Variants in DPP6 observed in about 807,000 individuals in gnomAD.
DPP6 encodes dipeptidyl peptidase like 6, also known as A-type potassium channel modulatory protein DPP6.
DPP6 carries 69 observed loss-of-function variants against 122.6 expected under a neutral mutation model. That is an observed-to-expected ratio of 0.56 (90% CI 0.46 to 0.69). The LOEUF is 0.69. Ranked by LOEUF, DPP6 falls within the 30% of genes least tolerant of loss-of-function variation. DPP6 has a pLI of 0.00. For missense variants in DPP6, 928 were observed against 1,116.9 expected, an observed-to-expected ratio of 0.83 and a Z score of 2.41; for synonymous variants, 418 against 433.1, an observed-to-expected ratio of 0.97 and a Z score of 0.43.
rs71540571 is a variant in DPP6 at position 153,957,571 on chromosome 7, G to A, written c.51+69837G>A. On this transcript the variant is annotated intron_variant, in intron 1 of 25. Coordinates refer to the DPP6 transcript ENST00000404039. ...CTCAGGTTATGGCAAGTGAGGGCGA[G>A]AAGGAGGCCTGGGCAAGAGAAAGGA... is the stretch of plus-strand genomic sequence containing the variant. Among the ~76,000 whole-genome samples, 398 of 152,322 alleles carry A rather than the reference G, an allele frequency of 2.6e-3. 2 individuals are homozygous for A. Among genetic ancestry groups the A allele is most frequent in the Non-Finnish European group, 3.6e-3 (244 of 68,040 alleles).
Position 153,925,760 on chromosome 7 carries a change from C to A in DPP6, c.51+38026C>A, listed in dbSNP as rs1026974234. Reference sequence around the variant, plus strand: ...GAGATCATCCCACATGGTGGAAGGTCCAGCCTGGCAGTGTGACCCAAAGTG... The same window carrying A: ...GAGATCATCCCACATGGTGGAAGGTACAGCCTGGCAGTGTGACCCAAAGTG... On this transcript the variant is annotated intron_variant, in intron 1 of 25. Coordinates refer to the DPP6 transcript ENST00000404039. Among the ~76,000 whole-genome samples, 71 of 152,208 alleles carry A rather than the reference C, an allele frequency of 4.7e-4. 1 individual carries two copies. The highest frequency in any genetic ancestry group is 1.5e-3 in the African/African-American group (63 of 41,460).
intron 3 of DPP6, among the ~76,000 whole-genome samples, chr7:154,536,034 T>C (rs145302415): frequency 6.6e-6 from 1 of 152,272 alleles, no homozygotes; most frequent in African/African-American, 2.4e-5. Flanking sequence ...CTGGCAGCAA[T>C]CTAAATTGTC....
chr7:154,738,105 C>A (rs759878839), intron 8 of DPP6, among the ~76,000 whole-genome samples: 4 of 152,224 alleles, frequency 2.6e-5, no homozygotes, highest in African/African-American at 4.8e-5. Context: ...GCTGGCTATG[C>A]TGGATGAGAT....
At chr7:154,270,868 G>A (rs891572853) in intron 1 of DPP6, among the ~76,000 whole-genome samples, 7 of 152,120 alleles carry the variant, frequency 4.6e-5, no homozygotes, top group Non-Finnish European at 8.8e-5. Context: ...GGCTTTCCAC[G>A]CCTCAGCCCC....
chr7:154,584,456 A>T (rs1832297744), intron 5 of DPP6, among the ~76,000 whole-genome samples: 1 of 152,248 alleles, frequency 6.6e-6, no homozygotes, highest in Admixed American at 6.5e-5. Flanking sequence ...TGAGATGCTT[A>T]AAGGTGGCTT....
intron 1 of DPP6, among the ~76,000 whole-genome samples, chr7:154,371,024 C>T (rs1451085748): frequency 1.3e-5 from 2 of 152,142 alleles, no homozygotes; most frequent in Non-Finnish European, 2.9e-5. Context: ...AAGGTCTGCT[C>T]CTGATACCAG....
At chr7:154,375,337 C>T (rs951927809) in intron 1 of DPP6, among the ~76,000 whole-genome samples, 5 of 151,930 alleles carry the variant, frequency 3.3e-5, no homozygotes, top group South Asian at 2.1e-4. Context: ...GATGTTGGCC[C>T]GGGTGGAGGG....
At chr7:153,838,895 T>G in the DPP6 span, among the ~76,000 whole-genome samples, 1 of 151,056 alleles carries the variant, frequency 6.6e-6, no homozygotes, top group African/African-American at 2.4e-5. Flanking sequence ...AATTGAAAAA[T>G]TAGGAGCATT....
chr7:154,881,374 ACCAGAGCCGCT>A (rs1805375399), intron 21 of DPP6, among the ~76,000 whole-genome samples: 1 of 152,214 alleles, frequency 6.6e-6, no homozygotes, highest in Non-Finnish European at 1.5e-5. Flanking sequence ...GAACTCTCAA[ACCAGAGCCGCT>A]CCCATCTGGT....
chr7:154,251,471 G>C (rs1041734961), intron 1 of DPP6, among the ~76,000 whole-genome samples: 1 of 152,188 alleles, frequency 6.6e-6, no homozygotes, highest in Non-Finnish European at 1.5e-5. Flanking sequence ...AGAACTAATA[G>C]GATATATGCA....
chr7:154,468,161 C>T (rs557074084), intron 2 of DPP6, among the ~76,000 whole-genome samples: 1 of 152,180 alleles, frequency 6.6e-6, no homozygotes, highest in South Asian at 2.1e-4. Flanking sequence ...CGTATTACAA[C>T]ATGGATGAAC....
chr7:153,960,468 C>G (rs2129027903), intron 1 of DPP6, among the ~76,000 whole-genome samples: 1 of 152,150 alleles, frequency 6.6e-6, no homozygotes, highest in East Asian at 1.9e-4. Flanking sequence ...GTGCTCTTCA[C>G]CTTCCTGCAA....
At chr7:153,995,831 G>T (rs750276431) in intron 1 of DPP6, among the ~76,000 whole-genome samples, 3 of 152,172 alleles carry the variant, frequency 2.0e-5, no homozygotes, top group Non-Finnish European at 4.4e-5. Context: ...CTACCTTCAA[G>T]ACCTGGATGA....
At chr7:154,885,817 C>T (rs1806106256) in intron 22 of DPP6, 73 bp downstream of exon 22, 4 of 1,533,800 alleles carry the variant, frequency 2.6e-6, no homozygotes, top group African/African-American at 1.4e-5. Flanking sequence ...CGTGGCCCCA[C>T]AGCCCTCCCT....
At chr7:154,219,204 G>GCC (rs1352727936) in intron 1 of DPP6, among the ~76,000 whole-genome samples, 1 of 152,164 alleles carries the variant, frequency 6.6e-6, no homozygotes, top group Non-Finnish European at 1.5e-5. Flanking sequence ...TCATCCCCAG[G>GCC]CCAAGACAAT....
intron 12 of DPP6, among the ~76,000 whole-genome samples, chr7:154,798,244 T>C (rs1300761267): frequency 2.0e-5 from 3 of 152,190 alleles, no homozygotes; most frequent in Admixed American, 6.5e-5. Flanking sequence ...GGTTCTGTCC[T>C]CCAGCGCTCA....
chr7:153,977,423 C>T (rs972720194), intron 1 of DPP6, among the ~76,000 whole-genome samples: 35 of 152,128 alleles, frequency 2.3e-4, no homozygotes, highest in Admixed American at 1.4e-3. Flanking sequence ...TGGTCTTTCT[C>T]CCTCTATTAT....
rs114905738 is a variant in DPP6, at chr7:154,428,642, T to C, written c.244-17572T>C. Among the ~76,000 whole-genome samples, 179 of 152,330 alleles carry C rather than the reference T, an allele frequency of 1.2e-3. 2 individuals carry two copies. The highest frequency in any genetic ancestry group is 4.1e-3 in the African/African-American group (170 of 41,582). On this transcript the variant is annotated intron_variant, in intron 1 of 25. Coordinates refer to ENST00000377770, the MANE Select transcript of DPP6 (RefSeq NM_130797.4). Reference sequence around the variant, plus strand: ...GAGTGGATAAGGAAGATGTGGTATATATGCACCATGGAATACTACTCAGCC... The same window carrying C: ...GAGTGGATAAGGAAGATGTGGTATACATGCACCATGGAATACTACTCAGCC...
chr7:154,597,823 C>T (rs909294239), intron 5 of DPP6, among the ~76,000 whole-genome samples: 4 of 152,126 alleles, frequency 2.6e-5, no homozygotes, highest in Admixed American at 2.0e-4. Context: ...TTCTGGCAAT[C>T]TTTGGTGTTC....
Sources: allele counts gnomAD v4.1 joint callset (sites outside exome capture counted in the v4.1 genomes callset), GRCh38; gene constraint gnomAD v4.1.1; transcripts MANE v1.5; gene names NCBI Gene and HGNC (gene_info 2026-07-23, HGNC 2026-07-21).